Variants in ZNF560 observed in about 807,000 individuals in gnomAD.
The protein encoded by ZNF560 is zinc finger protein 560.
In ZNF560, 54 loss-of-function variants were observed where a neutral mutation model predicts 81.8. That is an observed-to-expected ratio of 0.66 (90% confidence interval 0.53 to 0.83). The LOEUF (loss-of-function observed/expected upper bound fraction) is 0.83. Ranked by LOEUF, ZNF560 falls within the 40% of genes least tolerant of loss-of-function variation. The pLI, the probability that ZNF560 is intolerant of heterozygous loss-of-function variation, is 0.00. For synonymous variants in ZNF560, 321 were observed against 317.9 expected (o/e 1.01, Z -0.10); for missense variants, 940 against 932.4 (o/e 1.01, Z -0.11).
the ZNF560 span, among the ~76,000 whole-genome samples, chr19:9,454,429 A>G: frequency 6.6e-6 from 1 of 152,194 alleles, no homozygotes; most frequent in Non-Finnish European, 1.5e-5. Context: ...CCCGGGTCGA[A>G]GGGTCGCCAG....
downstream of ZNF560, among the ~76,000 whole-genome samples, chr19:9,465,129 A>ATTT (rs887659069): frequency 0.061 from 7,948 of 129,364 alleles, 433 homozygotes; most frequent in South Asian, 0.16. Context: ...AAAGCTATTG[A>ATTT]TTTTTTTTTT....
the ZNF560 span, among the ~76,000 whole-genome samples, chr19:9,450,819 C>T: frequency 2.0e-5 from 3 of 152,294 alleles, no homozygotes; most frequent in South Asian, 6.2e-4. Flanking sequence ...CATGAGCCAC[C>T]ACACCAAATC....
Position 9,467,618 on chromosome 19 carries a change from A to G in ZNF560, c.1329T>C (p.Ser443=). ...KCDHCGKAFI[S]YPSLFGHLRV... ...TCAAATGTCCAAAAAGAGATGGGTA[A>G]GAAATAAAGGCTTTCCCACAGTGGT... Residue 443 remains serine, a synonymous_variant, in exon 10 of 10, where the codon TCT becomes TCC. Coordinates refer to ENST00000301480, the MANE Select transcript of ZNF560 (RefSeq NM_152476.3). 1 of 1,614,020 alleles carries G rather than the reference A, an allele frequency of 6.2e-7. No homozygotes were observed. Among genetic ancestry groups the G allele is most frequent in the Non-Finnish European group, 8.5e-7 (1 of 1,179,994 alleles).
At chr19:9,460,243 C>A in the ZNF560 span, among the ~76,000 whole-genome samples, 1 of 152,160 alleles carries the variant, frequency 6.6e-6, no homozygotes, top group East Asian at 1.9e-4. Flanking sequence ...CTGTCACGAG[C>A]AACACTCATC....
intron 3 of ZNF560, among the ~76,000 whole-genome samples, chr19:9,474,585 C>T (rs1238973367): frequency 1.3e-5 from 2 of 152,140 alleles, no homozygotes; most frequent in African/African-American, 4.8e-5. Context: ...TGAGTGCTTT[C>T]TCAACTTATT....
the ZNF560 span, among the ~76,000 whole-genome samples, chr19:9,455,150 C>G: frequency 9.5e-4 from 145 of 152,240 alleles, 5 homozygotes; most frequent in South Asian, 0.029. Flanking sequence ...TTAGGATACA[C>G]CCCCCAGATC....
the ZNF560 span, among the ~76,000 whole-genome samples, chr19:9,451,332 A>G: frequency 4.6e-5 from 7 of 152,184 alleles, no homozygotes; most frequent in African/African-American, 1.4e-4. Flanking sequence ...ACCTACAACC[A>G]TCTGATCTAC....
At chr19:9,487,385 G>A (rs1474151449) in intron 2 of ZNF560, among the ~76,000 whole-genome samples, 1 of 152,172 alleles carries the variant, frequency 6.6e-6, no homozygotes, top group Non-Finnish European at 1.5e-5. Context: ...TTCCACCCCA[G>A]TTCAAAGTGA....
In ZNF560 at chr19:9,468,086, T is replaced by C; in HGVS notation, c.861A>G (p.Thr287=). 1 of 1,614,212 alleles carries C rather than the reference T, an allele frequency of 6.2e-7. No homozygotes were observed. Among genetic ancestry groups the C allele is most frequent in the African/African-American group, 1.3e-5 (1 of 75,066 alleles). The change falls in exon 10 of 10, where the codon ACA becomes ACG. Residue 287 remains threonine, a synonymous_variant. Coordinates refer to ENST00000301480, the MANE Select transcript of ZNF560 (RefSeq NM_152476.3). ...CAGTGCCTTCAAAGGATTTATCTTG[T>C]GTACACTTTCTCTGGACCTGAACAT... ...ILNVQVQRKC[T]QDKSFEGTDY...
chr19:9,463,796 T>C (rs2072972535), downstream of ZNF560, among the ~76,000 whole-genome samples: 2 of 152,150 alleles, frequency 1.3e-5, no homozygotes, highest in Non-Finnish European at 2.9e-5. Flanking sequence ...GAGACACCTA[T>C]CTCAGCCTCC....
At chr19:9,456,000 A>G in the ZNF560 span, among the ~76,000 whole-genome samples, 1 of 152,214 alleles carries the variant, frequency 6.6e-6, no homozygotes, top group African/African-American at 2.4e-5. Context: ...CTGAAGTGTA[A>G]AAAAGGAAAG....
intron 1 of ZNF560, among the ~76,000 whole-genome samples, 152 bp from the exon 2 acceptor site, chr19:9,498,367 G>C (rs921176275): frequency 6.6e-6 from 1 of 152,142 alleles, no homozygotes; most frequent in Non-Finnish European, 1.5e-5. Flanking sequence ...GGGGACCGAA[G>C]GTCCCAATGG....
chr19:9,496,341 A>G (rs890702577), intron 2 of ZNF560, among the ~76,000 whole-genome samples: 8 of 151,590 alleles, frequency 5.3e-5, no homozygotes, highest in African/African-American at 1.9e-4. Flanking sequence ...ATGAATCTCA[A>G]AAACAAAAAA....
Position 9,467,024 on chromosome 19 carries a change from G to A in ZNF560, c.1923C>T (p.Ser641=). 1 of 1,611,418 alleles carries A rather than the reference G, an allele frequency of 6.2e-7. No homozygotes were observed. The highest frequency in any genetic ancestry group is 2.2e-5 in the East Asian group (1 of 44,660). Reference sequence around the variant, plus strand: ...GAGTTCTTAAATGATCAACTAGACTGGAGGAGACAACAAAGGCTTTCCCAC... The same window carrying A: ...GAGTTCTTAAATGATCAACTAGACTAGAGGAGACAACAAAGGCTTTCCCAC... The part of the protein sequence containing the change: ...KDCGKAFVVS[S]SLVDHLRTHT... Residue 641 remains serine, a synonymous_variant, in exon 10 of 10, where the codon TCC becomes TCT. Coordinates refer to ENST00000301480, the MANE Select transcript of ZNF560 (RefSeq NM_152476.3).
At chr19:9,483,755 G>A (rs2144713023) in intron 2 of ZNF560, among the ~76,000 whole-genome samples, 1 of 152,186 alleles carries the variant, frequency 6.6e-6, no homozygotes, top group South Asian at 2.1e-4. Flanking sequence ...GGGAAGTGAG[G>A]AGCCCCTCTG....
chr19:9,477,012 A>G (rs1464491679), intron 2 of ZNF560, among the ~76,000 whole-genome samples: 1 of 152,154 alleles, frequency 6.6e-6, no homozygotes, highest in Non-Finnish European at 1.5e-5. Flanking sequence ...TCATGTAGAC[A>G]TCAATCATTA....
chr19:9,496,866 G>A (rs1042256309), intron 2 of ZNF560, among the ~76,000 whole-genome samples: 1 of 151,752 alleles, frequency 6.6e-6, no homozygotes, highest in East Asian at 2.0e-4. Flanking sequence ...AACCAGGGAG[G>A]CAGAGGTTGC....
In ZNF560 at chr19:9,467,322, C is replaced by T. The variant is rs769335798; in HGVS notation, c.1625G>A (p.Arg542Lys). The T allele has an allele frequency of 1.2e-6, 2 of 1,614,140 alleles. No homozygotes were observed. The highest frequency in any genetic ancestry group is 2.2e-5 in the South Asian group (2 of 91,078). The change falls in exon 10 of 10, where the codon AGA becomes AAA. Residue 542 changes from arginine (R) to lysine (K), a missense_variant. Coordinates refer to ENST00000301480, the MANE Select transcript of ZNF560 (RefSeq NM_152476.3). ...ACCACATTTCTTACATTGATAGAGT[C>T]TCTCTTCTGTGTGAGTTCGCATGTG... ...RIHMRTHTEE[R>K]LYQCKKCGKA...
rs200768546 is a variant in ZNF560, at chr19:9,474,224, C to T, written c.132G>A (p.Glu44=). 6.2e-7 allele frequency: 1 copy of T among 1,614,152 alleles called. No homozygotes were observed. The highest frequency in any genetic ancestry group is 1.3e-5 in the African/African-American group (1 of 75,044). The change falls in exon 4 of 10, where the codon GAG becomes GAA. Residue 44 remains glutamate, a synonymous_variant. Coordinates refer to ENST00000301480, the MANE Select transcript of ZNF560 (RefSeq NM_152476.3). ...CTACTTTGGCCACGTTCTCATAATT[C>T]TCCAGCATCACATCTCTGTATAAGT... is the stretch of plus-strand genomic sequence containing the variant. ...QRNLYRDVML[E]NYENVAKVGF...
Sources: allele counts gnomAD v4.1 joint callset (sites outside exome capture counted in the v4.1 genomes callset), GRCh38; gene constraint gnomAD v4.1.1; transcripts MANE v1.5; gene names NCBI Gene and HGNC (gene_info 2026-07-23, HGNC 2026-07-21).